The following NRIP1 variants were observed in gnomAD, a reference collection of about 807,000 sequenced individuals.
The protein encoded by NRIP1 is nuclear receptor-interacting protein 1.
NRIP1 carries 28 observed loss-of-function variants against 75.0 expected under a neutral mutation model. That is an observed-to-expected ratio of 0.37 (90% CI 0.28 to 0.51). The LOEUF (loss-of-function observed/expected upper bound fraction) is 0.51. NRIP1 is among the 20% of genes least tolerant of loss of function. The pLI, the probability that NRIP1 is intolerant of heterozygous loss-of-function variation, is 0.92. For missense variants in NRIP1, 1,435 were observed against 1,343.7 expected (o/e 1.07, Z -1.06); for synonymous variants, 526 against 487.6 (o/e 1.08, Z -1.04).
rs141839996 is a variant in NRIP1 at position 15,038,537 on chromosome 21, G to T, written c.-458+4958C>A. Among the ~76,000 whole-genome samples the T allele has an allele frequency of 4.6e-5, 7 of 151,498 alleles. No individual in the cohort carries two copies. In the East Asian group the frequency reaches 1.4e-3, roughly 29 times the overall value. On this transcript the variant is annotated intron_variant, in intron 2 of 3. Coordinates refer to ENST00000318948, the MANE Select transcript of NRIP1 (RefSeq NM_003489.4). ...ACCAACATAATTTTATTATCCAAAT[G>T]AAAAAAACACATATTTATACCTATA...
At chr21:14,992,809 A>G (rs919717559) in intron 3 of NRIP1, 33 of 152,396 alleles carry the variant, frequency 2.2e-4, no homozygotes, top group African/African-American at 7.2e-4. Flanking sequence ...TGGCTGTCCC[A>G]TATGTTCAGA....
chr21:15,031,042 T>C (rs4817588), intron 2 of NRIP1, among the ~76,000 whole-genome samples: 69 of 103,410 alleles, frequency 6.7e-4, no homozygotes, highest in East Asian at 9.9e-4. Context: ...GGAAGGCGGT[T>C]GGAGGTTCAC....
At chr21:15,013,030 CA>C (rs1194016850) in intron 3 of NRIP1, among the ~76,000 whole-genome samples, 1 of 151,988 alleles carries the variant, frequency 6.6e-6, no homozygotes, top group African/African-American at 2.4e-5. Flanking sequence ...AAATGGGGTT[CA>C]ATATCAACTG....
At chr21:14,971,048 A>G (rs1217408463) in intron 3 of NRIP1, among the ~76,000 whole-genome samples, 1 of 152,224 alleles carries the variant, frequency 6.6e-6, no homozygotes, top group Non-Finnish European at 1.5e-5. Flanking sequence ...AAGAATAATC[A>G]TCTCTTAATA....
At chr21:15,060,265 A>G (rs752740695) in intron 1 of NRIP1, among the ~76,000 whole-genome samples, 2 of 152,184 alleles carry the variant, frequency 1.3e-5, no homozygotes, top group Non-Finnish European at 2.9e-5. Context: ...TCAGAATCCT[A>G]TACATTCAGT....
intron 2 of NRIP1, among the ~76,000 whole-genome samples, chr21:15,041,723 A>G (rs1307495716): frequency 6.6e-6 from 1 of 152,150 alleles, no homozygotes; most frequent in East Asian, 1.9e-4. Context: ...ATTAGCATTA[A>G]AATTATAACT....
intron 3 of NRIP1, among the ~76,000 whole-genome samples, chr21:14,980,371 G>A (rs558747152): frequency 6.6e-6 from 1 of 152,102 alleles, no homozygotes; most frequent in Admixed American, 6.5e-5. Flanking sequence ...CTACTCAGGA[G>A]GCTGAGGCAC....
Position 14,972,931 on chromosome 21 carries a change from G to GT in NRIP1, c.-334-4406dup, listed in dbSNP as rs1342846258. 3.3e-5 allele frequency among the ~76,000 whole-genome samples: 5 copies of GT among 152,198 alleles called. No homozygotes were observed. In the East Asian group the frequency reaches 9.6e-4, roughly 29 times the overall value. On this transcript the variant is annotated intron_variant, in intron 3 of 3. Transcript: ENST00000318948. ...GCTGGCCCACTGCTCACCGCCTGCT[G>GT]TGTGGCCCAGTTCCTAACAGGCTTG...
At chr21:15,007,601 AC>A (rs1371069686) in intron 3 of NRIP1, among the ~76,000 whole-genome samples, 3 of 152,202 alleles carry the variant, frequency 2.0e-5, no homozygotes, top group Non-Finnish European at 4.4e-5. Context: ...TGAACTATCA[AC>A]CTTCATTAAG....
rs368191508 is a variant in NRIP1 at position 15,007,758 on chromosome 21, GA to G, written c.-335+6585del. 1.2e-4 allele frequency among the ~76,000 whole-genome samples: 18 copies of G among 151,920 alleles called. No homozygotes were observed. The South Asian group carries it at 3.7e-3, about 32-fold the overall frequency. On this transcript the variant is annotated intron_variant, in intron 3 of 3. Coordinates refer to ENST00000318948, the MANE Select transcript of NRIP1 (RefSeq NM_003489.4). Reference sequence around the variant, plus strand: ...TAAGAGTTCTATCCAACGCTAATGAGAAAAAAAATTAACTCAGCAAACATTT... The same window carrying G: ...TAAGAGTTCTATCCAACGCTAATGAGAAAAAAATTAACTCAGCAAACATTT...
chr21:15,051,002 TAC>T, intron 1 of NRIP1: 1 of 425,560 alleles, frequency 2.3e-6, no homozygotes, highest in South Asian at 1.7e-5. Context: ...AGCATTTACC[TAC>T]AGCTAATGCA....
chr21:14,979,513 TC>T (rs2087171210), intron 3 of NRIP1, among the ~76,000 whole-genome samples: 1 of 152,194 alleles, frequency 6.6e-6, no homozygotes, highest in South Asian at 2.1e-4. Flanking sequence ...TGATCAAAGC[TC>T]CTAGGGTTTT....
At chr21:14,984,026 G>C (rs957227613) in intron 3 of NRIP1, among the ~76,000 whole-genome samples, 1 of 152,176 alleles carries the variant, frequency 6.6e-6, no homozygotes, top group African/African-American at 2.4e-5. Context: ...ATGGATCAAA[G>C]AGTAATTTTG....
At position 14,963,585 on chromosome 21, in the gene NRIP1, C is replaced by T. The variant is rs1170978641; in HGVS notation, c.*1131G>A. The T allele has an allele frequency of 1.3e-5, 2 of 152,268 alleles. No homozygotes were observed. The highest frequency in any genetic ancestry group is 2.1e-4 in the South Asian group (1 of 4,832). The allele number at this position is 152,268 out of a possible 1,614,324, so 9.4% of individuals were successfully genotyped here. ...CACATAGTTTTTTGTTTTTGTTTTA[C>T]AGTCTCATGTTCTGAGGAAAGTCAT... is the stretch of plus-strand genomic sequence containing the variant. On this transcript the variant is annotated 3_prime_UTR_variant, in exon 4 of 4. Transcript: ENST00000318948.
intron 2 of NRIP1, among the ~76,000 whole-genome samples, chr21:15,029,605 C>A (rs2088596983): frequency 6.6e-6 from 1 of 151,954 alleles, no homozygotes; most frequent in African/African-American, 2.4e-5. Context: ...CTCTTTTGTT[C>A]ACTGTTCTAT....
chr21:14,993,263 A>G (rs1441773310), intron 3 of NRIP1, among the ~76,000 whole-genome samples: 1 of 152,114 alleles, frequency 6.6e-6, no homozygotes, highest in Non-Finnish European at 1.5e-5. Flanking sequence ...AGGGCTGAGA[A>G]GCTTCCTATA....
chr21:15,052,774 G>C (rs1180090984), intron 1 of NRIP1, among the ~76,000 whole-genome samples: 1 of 151,748 alleles, frequency 6.6e-6, no homozygotes, highest in Admixed American at 6.6e-5. Context: ...AAAACAAAAC[G>C]TAGTCCAAAG....
At chr21:14,999,889 T>C (rs2087813116) in intron 3 of NRIP1, among the ~76,000 whole-genome samples, 1 of 152,258 alleles carries the variant, frequency 6.6e-6, no homozygotes, top group Non-Finnish European at 1.5e-5. Context: ...TTAATGTACC[T>C]AGATATATCT....
intron 3 of NRIP1, among the ~76,000 whole-genome samples, chr21:14,982,290 T>C (rs937968323): frequency 6.6e-6 from 1 of 152,192 alleles, no homozygotes; most frequent in Non-Finnish European, 1.5e-5. Context: ...ATAGAAATTC[T>C]TGTCATTAAA....
Sources: allele counts gnomAD v4.1 joint callset (sites outside exome capture counted in the v4.1 genomes callset), GRCh38; gene constraint gnomAD v4.1.1; transcripts MANE v1.5; gene names NCBI Gene and HGNC (gene_info 2026-07-23, HGNC 2026-07-21).